ZC3H8: variants seen among roughly 807,000 people sequenced by gnomAD.
The protein encoded by ZC3H8 is zinc finger CCCH-type containing 8.
In ZC3H8, 27 loss-of-function variants were observed where a neutral mutation model predicts 42.5. The observed-to-expected ratio is 0.64, with a 90% CI of 0.47 to 0.88. ZC3H8 has a LOEUF of 0.88. Among genes scored for constraint, ZC3H8 ranks in the 40% least tolerant of loss-of-function variants. The probability of loss-of-function intolerance (pLI) is 0.00; values close to 1 mark genes in which losing one functional copy is unlikely to be tolerated. For missense variants in ZC3H8, 277 were observed against 336.1 expected (o/e 0.82, Z 1.37); for synonymous variants, 101 against 110.1 (o/e 0.92, Z 0.52).
chr2:112,216,185 G>T lies in ZC3H8; in HGVS notation c.*299C>A, dbSNP rs1443963152. ...ATTAAGGAAATCCAATCAATCAGAA[G>T]AGGTTTCTACAATTTACTATCACAT... is the stretch of plus-strand genomic sequence containing the variant. On this transcript the variant is annotated 3_prime_UTR_variant, in exon 9 of 9. Coordinates refer to ENST00000409573, the MANE Select transcript of ZC3H8 (RefSeq NM_032494.3). 3 of 152,168 alleles carry T rather than the reference G, an allele frequency of 2.0e-5. No homozygotes were observed. Among genetic ancestry groups the T allele is most frequent in the Non-Finnish European group, 4.4e-5 (3 of 68,052 alleles). The allele number at this position is 152,168 out of a possible 1,614,324, so 9.4% of individuals were successfully genotyped here.
intron 8 of ZC3H8, 21 bp from the exon 9 acceptor site, chr2:112,216,489 C>G (rs1573875572): frequency 3.3e-5 from 5 of 152,172 alleles, no homozygotes; most frequent in Admixed American, 3.3e-4. Context: ...AAACAGAGAA[C>G]AAAAACACAT....
chr2:112,242,468 T>C (rs1573919435), intron 2 of ZC3H8, among the ~76,000 whole-genome samples: 1 of 152,256 alleles, frequency 6.6e-6, no homozygotes, highest in Admixed American at 6.5e-5. Context: ...TTCGTAGAGA[T>C]GCTCAGTTAT....
In ZC3H8 at chr2:112,231,860, T is replaced by C. The variant is rs747045212; in HGVS notation, c.821A>G (p.Glu274Gly). The change falls in exon 7 of 9, where the codon GAA becomes GGA. Residue 274 changes from glutamate to glycine, a missense_variant. Coordinates refer to ENST00000409573, the MANE Select transcript of ZC3H8 (RefSeq NM_032494.3). The stretch of plus-strand genomic sequence containing the variant: ...TACTTTAGCCAACAATTCTTGTGTT[T>C]CAGGAGTCAGTGGAGCATGAGAAAA... ...CKFSHAPLTP[E>G]TQELLAKVLD... is the part of the protein sequence containing the mutation. The C allele has an allele frequency of 1.5e-5, 24 of 1,590,842 alleles. No homozygotes were observed. Among genetic ancestry groups the C allele is most frequent in the Non-Finnish European group, 2.0e-5 (23 of 1,166,082 alleles).
intron 4 of ZC3H8, among the ~76,000 whole-genome samples, chr2:112,234,558 T>C (rs1003380846): frequency 6.6e-6 from 1 of 152,214 alleles, no homozygotes; most frequent in Admixed American, 6.5e-5. Context: ...CCCAGCACTT[T>C]GGGAGGCTGA....
At chr2:112,233,061 A>T (rs954821443) in intron 6 of ZC3H8, among the ~76,000 whole-genome samples, 199 bp downstream of exon 6, 3 of 152,224 alleles carry the variant, frequency 2.0e-5, no homozygotes, top group African/African-American at 7.2e-5. Context: ...AAGAATCATC[A>T]TTTGAGAGAT....
intron 8 of ZC3H8, among the ~76,000 whole-genome samples, chr2:112,222,193 TG>T (rs1684618349): frequency 6.6e-6 from 1 of 152,204 alleles, no homozygotes. Flanking sequence ...TTCTTGTCCA[TG>T]GGGCTCTCCC....
intron 2 of ZC3H8, among the ~76,000 whole-genome samples, chr2:112,245,385 G>C (rs1252580414): frequency 6.6e-6 from 1 of 152,214 alleles, no homozygotes; most frequent in African/African-American, 2.4e-5. Flanking sequence ...CAGGCGCGGT[G>C]GCTCACGCTT....
At chr2:112,244,961 C>A (rs1685705841) in intron 2 of ZC3H8, among the ~76,000 whole-genome samples, 1 of 152,190 alleles carries the variant, frequency 6.6e-6, no homozygotes, top group African/African-American at 2.4e-5. Context: ...AATCATATGT[C>A]TCTACTGAAA....
In ZC3H8 at chr2:112,212,822, G is replaced by T. The variant is rs1558912213; in HGVS notation, c.*3662C>A. ...GACACAATCCTAGCATTCAGCAGGT[G>T]CTCAACCTGAGATATTCTGATCTTG... On this transcript the variant is annotated 3_prime_UTR_variant, in exon 9 of 9. Transcript: ENST00000409573. The T allele has an allele frequency of 1.3e-5, 2 of 152,108 alleles. No individual in the cohort carries two copies. Among genetic ancestry groups the T allele is most frequent in the Admixed American group, 6.5e-5 (1 of 15,276 alleles). The allele number at this position is 152,108 out of a possible 1,614,324, so 9.4% of individuals were successfully genotyped here. A position where few individuals can be genotyped will look rare whatever the true frequency, so the allele number is the denominator to read the frequency against.
chr2:112,243,622 AATT>A (rs3048232), intron 2 of ZC3H8, among the ~76,000 whole-genome samples: 14,701 of 152,176 alleles, frequency 0.097, 966 homozygotes, highest in East Asian at 0.33. Context: ...ATTAAAAAAC[AATT>A]ATTATTATGT....
intron 8 of ZC3H8, among the ~76,000 whole-genome samples, chr2:112,227,758 CAA>C (rs986430613): frequency 4.6e-5 from 7 of 151,948 alleles, no homozygotes; most frequent in East Asian, 1.9e-4. Flanking sequence ...AATAAATTAA[CAA>C]AAAAGTGTAC....
chr2:112,234,001 T>C, intron 5 of ZC3H8, 119 bp downstream of exon 5: 3 of 608,962 alleles, frequency 4.9e-6, no homozygotes, highest in Non-Finnish European at 7.7e-6. Flanking sequence ...TAAAATTTTC[T>C]AACTGATTTT....
Position 112,234,181 on chromosome 2 carries a change from T to C in ZC3H8, c.560A>G (p.His187Arg). 6.2e-7 allele frequency: 1 copy of C among 1,611,186 alleles called. No homozygotes were observed. Among genetic ancestry groups the C allele is most frequent in the Non-Finnish European group, 8.5e-7 (1 of 1,178,898 alleles). The stretch of plus-strand genomic sequence containing the variant: ...TTGTTTTCCCTTGCGTTCCACTGTA[T>C]GTTGGTTGATGAATGCCTGACTCAA... ...QHLSQAFINQ[H>R]TVERKGKQIC... is the part of the protein sequence containing the mutation. The change falls in exon 5 of 9, where the codon CAT becomes CGT. Residue 187 changes from histidine (H) to arginine (R), a missense_variant. By Grantham distance (29) the His-to-Arg change is conservative. Coordinates refer to ENST00000409573, the MANE Select transcript of ZC3H8 (RefSeq NM_032494.3).
intron 8 of ZC3H8, among the ~76,000 whole-genome samples, chr2:112,228,466 C>T (rs1312736907): frequency 6.7e-6 from 1 of 150,352 alleles, no homozygotes; most frequent in Non-Finnish European, 1.5e-5. Flanking sequence ...TGCACCACTG[C>T]ACTCCAGTCT....
intron 1 of ZC3H8, among the ~76,000 whole-genome samples, chr2:112,252,856 C>T (rs1685997183): frequency 1.3e-5 from 2 of 152,182 alleles, no homozygotes; most frequent in African/African-American, 4.8e-5. Context: ...AATATCTACA[C>T]CTCCCAGCCG....
intron 2 of ZC3H8, among the ~76,000 whole-genome samples, chr2:112,246,477 CAAT>C (rs1488859670): frequency 6.6e-6 from 1 of 152,008 alleles, no homozygotes; most frequent in East Asian, 1.9e-4. Context: ...CAAATATCAA[CAAT>C]AACAGGAGTT....
intron 2 of ZC3H8, among the ~76,000 whole-genome samples, chr2:112,239,777 G>T (rs1436053464): frequency 6.6e-6 from 1 of 151,956 alleles, no homozygotes; most frequent in Non-Finnish European, 1.5e-5. Context: ...TAGAGACAGG[G>T]TTTCACCCTA....
At position 112,236,542 on chromosome 2, in the gene ZC3H8, A is replaced by G. The variant is rs1469783107; in HGVS notation, c.504+20T>C. The G allele has an allele frequency of 1.9e-6, 3 of 1,609,104 alleles. No individual in the cohort carries two copies. The highest frequency in any genetic ancestry group is 4.5e-5 in the East Asian group (2 of 44,880). On this transcript the variant is annotated intron_variant, in intron 4 of 8. Coordinates refer to ENST00000409573, the MANE Select transcript of ZC3H8 (RefSeq NM_032494.3). Reference sequence around the variant, plus strand: ...AAGCATGCAGGGGTCAGGTATTCCTAGAAGCATATATTCCAATACCTCTTC... The same window carrying G: ...AAGCATGCAGGGGTCAGGTATTCCTGGAAGCATATATTCCAATACCTCTTC...
rs1573870018 is a variant in ZC3H8 at position 112,212,779 on chromosome 2, A to G, written c.*3705T>C. On this transcript the variant is annotated 3_prime_UTR_variant, in exon 9 of 9. Transcript: ENST00000409573. ...TATAAGACTGTAATAAAGATTAAAA[A>G]TAGATTTAAAATGCATAGACACAAT... 6.6e-6 allele frequency: 1 copy of G among 152,216 alleles called. No homozygotes were observed. Among genetic ancestry groups the G allele is most frequent in the East Asian group, 1.9e-4 (1 of 5,184 alleles). 9.4% of individuals were successfully genotyped at this position (152,216 alleles called of 1,614,324 possible).
Sources: gnomAD v4.1 joint callset for allele counts (sites outside exome capture counted in the v4.1 genomes callset) on GRCh38, gnomAD v4.1.1 for gene constraint, MANE v1.5 for transcripts, NCBI Gene and HGNC (gene_info 2026-07-23, HGNC 2026-07-21) for gene names.